The following ZNF354B variants were observed in gnomAD, a reference collection of about 807,000 sequenced individuals.
ZNF354B encodes the protein zinc finger protein 354B.
A neutral mutation model predicts 12.9 loss-of-function variants in ZNF354B; 10 were observed. The ratio of observed to expected loss-of-function variants is 0.77; its 90% confidence interval spans 0.48 to 1.31. ZNF354B has a LOEUF of 1.31. ZNF354B is among the 40% of genes most tolerant of loss of function. ZNF354B has a pLI of 0.00. For missense variants in ZNF354B, 614 were observed against 711.7 expected (o/e 0.86, Z 1.56); for synonymous variants, 260 against 243.7 (o/e 1.07, Z -0.62).
At chr5:178,879,206 A>T (rs979868077) in intron 4 of ZNF354B, among the ~76,000 whole-genome samples, 1 of 149,984 alleles carries the variant, frequency 6.7e-6, no homozygotes, top group Non-Finnish European at 1.5e-5. Flanking sequence ...GTGCCACCAC[A>T]CCCAGCTAAT....
At chr5:178,860,374 G>C (rs1298501393) in intron 1 of ZNF354B, among the ~76,000 whole-genome samples, 4 of 142,528 alleles carry the variant, frequency 2.8e-5, no homozygotes, top group African/African-American at 1.0e-4. Context: ...GGCCCACCCT[G>C]CGCGCGCCGT....
At chr5:178,881,301 G>A (rs1316170632) in intron 4 of ZNF354B, among the ~76,000 whole-genome samples, 1 of 149,614 alleles carries the variant, frequency 6.7e-6, no homozygotes, top group African/African-American at 2.5e-5. Context: ...GAGATCAAAA[G>A]TATGCTGCTA....
At position 178,860,603 on chromosome 5, in the gene ZNF354B, G is replaced by C. The variant is rs1396237303; in HGVS notation, c.-51-394G>C. ...CTTGAGGCGGAGGGAAGTCGTCCCG[G>C]GGCCGTCGTGGTGGGAGTCCCGGCC... On this transcript the variant is annotated intron_variant, in intron 1 of 4. Coordinates refer to ENST00000322434, the MANE Select transcript of ZNF354B (RefSeq NM_058230.3). 2.8e-5 allele frequency: 5 copies of C among 180,114 alleles called. No individual in the cohort carries two copies. In the South Asian group the frequency reaches 5.2e-4, roughly 19 times the overall value. 11.2% of individuals were successfully genotyped at this position (180,114 alleles called of 1,614,324 possible).
rs1043071871 is a variant in ZNF354B, at chr5:178,884,501, C to T, written c.*210C>T. On this transcript the variant is annotated 3_prime_UTR_variant, in exon 5 of 5. Transcript: ENST00000322434. ...TCACTGTTGCAGACATTGAAATTGG[C>T]CATTTGTAAGATAAAAGGTATGTTT... The T allele has an allele frequency of 1.7e-5, 8 of 459,604 alleles. No homozygotes were observed. Among genetic ancestry groups the T allele is most frequent in the Admixed American group, 1.2e-4 (3 of 25,800 alleles). The allele number at this position is 459,604 out of a possible 1,614,324, so 28.5% of individuals were successfully genotyped here. A position where few individuals can be genotyped will look rare whatever the true frequency, so the allele number is the denominator to read the frequency against.
chr5:178,884,258 A>AG lies in ZNF354B; in HGVS notation c.1807dup (p.Glu603GlyfsTer29). 1 of 1,602,142 alleles carries AG rather than the reference A, an allele frequency of 6.2e-7. No individual in the cohort carries two copies. On this transcript the variant is annotated frameshift_variant, in exon 5 of 5. Transcript: ENST00000322434. LOFTEE classifies it high-confidence loss of function. ...CTAATCATTATAAAATTCACATTGA[A>AG]GAGGACTCCTTAAAAGCCGATTTGC...
At position 178,872,831 on chromosome 5, in the gene ZNF354B, G is replaced by A. The variant is rs1240674442; in HGVS notation, c.256+5760G>A. Among the ~76,000 whole-genome samples the A allele has an allele frequency of 2.0e-5, 3 of 152,132 alleles. No homozygotes were observed. The South Asian group carries it at 6.2e-4, about 32-fold the overall frequency. On this transcript the variant is annotated intron_variant, in intron 4 of 4. Coordinates refer to ENST00000322434, the MANE Select transcript of ZNF354B (RefSeq NM_058230.3). ...AGACAGAGTCTTGCTCTGTCACCCA[G>A]GCTGGAGTACAGCGGTGCGATCTCA...
intron 4 of ZNF354B, among the ~76,000 whole-genome samples, chr5:178,869,345 G>C (rs1757519921): frequency 6.6e-6 from 1 of 152,128 alleles, no homozygotes; most frequent in Non-Finnish European, 1.5e-5. Context: ...TTTAAAAAGG[G>C]GAACCACACT....
At chr5:178,875,707 A>G (rs1757625884) in intron 4 of ZNF354B, among the ~76,000 whole-genome samples, 2 of 152,126 alleles carry the variant, frequency 1.3e-5, no homozygotes, top group Admixed American at 6.6e-5. Flanking sequence ...CTTGGTGAAG[A>G]GTCAGGGATT....
Position 178,862,017 on chromosome 5 carries a change from TGGTA to T in ZNF354B, c.33+939_33+942del, listed in dbSNP as rs370323198. Reference sequence around the variant, plus strand: ...TGTCTTAATATATTAATGTTAATGTTGGTAGATAGAAACTGCTGTACAATGTGTT... The same window carrying T: ...TGTCTTAATATATTAATGTTAATGTTGATAGAAACTGCTGTACAATGTGTT... On this transcript the variant is annotated intron_variant, in intron 2 of 4. Transcript: ENST00000322434. 5.0e-3 allele frequency among the ~76,000 whole-genome samples: 756 copies of T among 152,282 alleles called. 8 individuals are homozygous for T. The highest frequency in any genetic ancestry group is 0.015 in the East Asian group (80 of 5,180).
chr5:178,864,524 T>C (rs1757414954), intron 2 of ZNF354B, among the ~76,000 whole-genome samples: 1 of 152,208 alleles, frequency 6.6e-6, no homozygotes, highest in South Asian at 2.1e-4. Context: ...ATATTTCATA[T>C]GTACAATAGA....
intron 4 of ZNF354B, among the ~76,000 whole-genome samples, chr5:178,876,927 C>CTTTTTTTTTT (rs71589405): frequency 2.8e-5 from 4 of 141,414 alleles, no homozygotes; most frequent in Non-Finnish European, 3.1e-5. Context: ...TTTTTTATGC[C>CTTTTTTTTTT]TTTTTTTTTT....
At chr5:178,866,838 C>A in intron 3 of ZNF354B, 138 bp from the exon 4 acceptor site, 1 of 734,602 alleles carries the variant, frequency 1.4e-6, no homozygotes, top group Non-Finnish European at 2.2e-6. Flanking sequence ...CTATAGATGC[C>A]AGTTTATAAG....
chr5:178,867,667 G>C (rs1312432214), intron 4 of ZNF354B, among the ~76,000 whole-genome samples: 2 of 152,186 alleles, frequency 1.3e-5, no homozygotes, highest in Non-Finnish European at 2.9e-5. Flanking sequence ...GACGTGGACA[G>C]AGCTCCCAAA....
rs534406411 is a variant in ZNF354B at position 178,866,285 on chromosome 5, G to A, written c.75G>A (p.Trp25Ter). The A allele has an allele frequency of 3.1e-6, 5 of 1,613,676 alleles. No homozygotes were observed. In the East Asian group the frequency reaches 6.7e-5, roughly 22 times the overall value. ...TFEDVAVLFTWDEWRKLAPSQ... is the reference protein window; with the variant it reads ...TFEDVAVLFT ...AGGACGTGGCTGTGCTCTTTACCTGGGATGAGTGGAGAAAGCTGGCTCCTT... is the reference window on the plus strand; with the variant it reads ...AGGACGTGGCTGTGCTCTTTACCTGAGATGAGTGGAGAAAGCTGGCTCCTT... Residue 25 changes from tryptophan (W) to a stop codon, truncating the protein, a stop_gained, in exon 3 of 5, where the codon TGG becomes TGA. Coordinates refer to ENST00000322434, the MANE Select transcript of ZNF354B (RefSeq NM_058230.3). LOFTEE classifies it high-confidence loss of function.
At position 178,867,027 on chromosome 5, in the gene ZNF354B, A is replaced by T. The variant is rs1175927141; in HGVS notation, c.212A>T (p.Asp71Val). The change falls in exon 4 of 5, where the codon GAT (aspartate) becomes GTT (valine). Residue 71 changes from aspartate to valine, a missense_variant. By Grantham distance (152) the Asp-to-Val change is radical. Transcript: ENST00000322434. ...ATCTCCCTGTTGCAGCAAGGAGAAG[A>T]TCCCTGGGAGGTGGAGAAAGACAGT... ...KVISLLQQGE[D>V]PWEVEKDSSG... The T allele has an allele frequency of 3.7e-6, 6 of 1,613,802 alleles. No individual in the cohort carries two copies. The highest frequency in any genetic ancestry group is 5.1e-6 in the Non-Finnish European group (6 of 1,179,962).
At chr5:178,867,322 G>A (rs1454502164) in intron 4 of ZNF354B, among the ~76,000 whole-genome samples, 4 of 152,118 alleles carry the variant, frequency 2.6e-5, no homozygotes, top group African/African-American at 4.8e-5. Context: ...TATTCATTCA[G>A]CAAACATAGT....
chr5:178,863,820 G>A (rs1034711746), intron 2 of ZNF354B, among the ~76,000 whole-genome samples: 5 of 152,012 alleles, frequency 3.3e-5, no homozygotes, highest in African/African-American at 1.2e-4. Flanking sequence ...TGTAGGCCTA[G>A]ACTAATGTGC....
intron 4 of ZNF354B, among the ~76,000 whole-genome samples, chr5:178,881,501 A>T (rs77893915): frequency 2.0e-3 from 297 of 150,416 alleles, no homozygotes; most frequent in Non-Finnish European, 3.2e-3. Flanking sequence ...CATTCATCTG[A>T]TATACTTTAA....
chr5:178,867,089 G>C lies in ZNF354B; in HGVS notation c.256+18G>C. 2.5e-6 allele frequency: 4 copies of C among 1,606,930 alleles called. No individual in the cohort carries two copies. The highest frequency in any genetic ancestry group is 3.4e-6 in the Non-Finnish European group (4 of 1,174,986). On this transcript the variant is annotated intron_variant, in intron 4 of 4. Coordinates refer to ENST00000322434, the MANE Select transcript of ZNF354B (RefSeq NM_058230.3). The stretch of plus-strand genomic sequence containing the variant: ...CTCTCTAGGTAAGTGGGTGGCCCGA[G>C]GTGCTCGGGAATGGCCGCAGACAAT...
Sources: gnomAD v4.1 joint callset for allele counts (sites outside exome capture counted in the v4.1 genomes callset) on GRCh38, gnomAD v4.1.1 for gene constraint, MANE v1.5 for transcripts, NCBI Gene and HGNC (gene_info 2026-07-23, HGNC 2026-07-21) for gene names.